The following CACNA2D3 variants were observed in gnomAD, a reference collection of about 807,000 sequenced individuals.
The protein encoded by CACNA2D3 is voltage-dependent calcium channel subunit alpha-2/delta-3.
CACNA2D3 carries 60 observed loss-of-function variants against 160.6 expected under a neutral mutation model. That is an observed-to-expected ratio of 0.37 (90% CI 0.30 to 0.46). The LOEUF (loss-of-function observed/expected upper bound fraction) is 0.46, where lower values mean the gene tolerates loss of function less well. Among genes scored for constraint, CACNA2D3 ranks in the 20% least tolerant of loss-of-function variants. The pLI is 1.00. For synonymous variants in CACNA2D3, 558 were observed against 492.9 expected (o/e 1.13, Z -1.75); for missense variants, 1,205 against 1,365.0 (o/e 0.88, Z 1.85).
At chr3:54,132,228 G>C (rs1219021454) in intron 2 of CACNA2D3, among the ~76,000 whole-genome samples, 2 of 152,142 alleles carry the variant, frequency 1.3e-5, no homozygotes, top group African/African-American at 4.8e-5. Flanking sequence ...CTTTCCTCTT[G>C]ACTTTGGCCT....
At chr3:54,411,536 T>A (rs1699668005) in intron 4 of CACNA2D3, among the ~76,000 whole-genome samples, 1 of 152,212 alleles carries the variant, frequency 6.6e-6, no homozygotes, top group South Asian at 2.1e-4. Context: ...TAGCATTTTG[T>A]ATCAGTAAAG....
chr3:54,785,629 G>T (rs72874248), intron 13 of CACNA2D3, among the ~76,000 whole-genome samples: 1 of 152,054 alleles, frequency 6.6e-6, no homozygotes, highest in Admixed American at 6.6e-5. Context: ...TAGGGAAATT[G>T]AGAAGCCAAC....
At chr3:55,059,701 G>A (rs1462353263) in intron 35 of CACNA2D3, among the ~76,000 whole-genome samples, 1 of 152,176 alleles carries the variant, frequency 6.6e-6, no homozygotes, top group African/African-American at 2.4e-5. Context: ...CAGCATCCGA[G>A]AAGAATCAGG....
intron 29 of CACNA2D3, among the ~76,000 whole-genome samples, chr3:54,971,226 A>G (rs1286141278): frequency 6.6e-6 from 1 of 152,214 alleles, no homozygotes; most frequent in East Asian, 1.9e-4. Flanking sequence ...TGTATGGTCC[A>G]CACCCTTTTC....
At chr3:54,429,431 A>C (rs1699956406) in intron 4 of CACNA2D3, among the ~76,000 whole-genome samples, 1 of 151,944 alleles carries the variant, frequency 6.6e-6, no homozygotes, top group Non-Finnish European at 1.5e-5. Flanking sequence ...TTCAAATGGC[A>C]AACCACCTGA....
intron 17 of CACNA2D3, among the ~76,000 whole-genome samples, chr3:54,866,560 T>C (rs989464686): frequency 1.3e-5 from 2 of 152,180 alleles, no homozygotes; most frequent in Non-Finnish European, 2.9e-5. Flanking sequence ...GTGGCACATA[T>C]AGATTATCAA....
At chr3:54,134,596 A>T (rs1481563160) in intron 2 of CACNA2D3, among the ~76,000 whole-genome samples, 2 of 152,228 alleles carry the variant, frequency 1.3e-5, no homozygotes, top group African/African-American at 4.8e-5. Context: ...TATGAATCCC[A>T]ACATTGGGCA....
At chr3:54,952,826 C>T (rs1701792632) in intron 27 of CACNA2D3, among the ~76,000 whole-genome samples, 1 of 152,108 alleles carries the variant, frequency 6.6e-6, no homozygotes, top group East Asian at 1.9e-4. Flanking sequence ...ATGAGGATTC[C>T]ACGTGCTCTT....
In CACNA2D3 at chr3:54,244,102, G is replaced by A. The variant is rs151196593; in HGVS notation, c.205-76340G>A. Among the ~76,000 whole-genome samples, 540 of 152,306 alleles carry A rather than the reference G, an allele frequency of 3.5e-3. 4 individuals are homozygous for A. The highest frequency in any genetic ancestry group is 9.8e-3 in the African/African-American group (409 of 41,566). On this transcript the variant is annotated intron_variant, in intron 2 of 37. Coordinates refer to ENST00000474759, the MANE Select transcript of CACNA2D3 (RefSeq NM_018398.3). The stretch of plus-strand genomic sequence containing the variant: ...TTCTCAACATAGAGCGATGTTGGGA[G>A]GAATTGGAGAAGTCCTGGTGTCCAA...
chr3:54,705,447 G>T (rs1433604006), intron 11 of CACNA2D3, among the ~76,000 whole-genome samples: 7 of 152,188 alleles, frequency 4.6e-5, no homozygotes, highest in African/African-American at 1.7e-4. Context: ...CTGGTAACAT[G>T]CCAGTGCTGC....
intron 5 of CACNA2D3, among the ~76,000 whole-genome samples, chr3:54,533,619 G>A (rs1262523078): frequency 6.6e-6 from 1 of 152,116 alleles, no homozygotes; most frequent in South Asian, 2.1e-4. Context: ...ACAGGTGTGA[G>A]CCACAGCACC....
chr3:54,429,912 G>T (rs1367528754), intron 4 of CACNA2D3, among the ~76,000 whole-genome samples: 17 of 152,172 alleles, frequency 1.1e-4, no homozygotes, highest in Non-Finnish European at 2.2e-4. Flanking sequence ...AAGAGGGTTA[G>T]ATTTCCCAGT....
At chr3:54,134,929 C>T (rs1197768561) in intron 2 of CACNA2D3, among the ~76,000 whole-genome samples, 2 of 152,240 alleles carry the variant, frequency 1.3e-5, no homozygotes, top group Non-Finnish European at 2.9e-5. Context: ...GCACGAGGAG[C>T]ACCAAGCGAG....
chr3:54,453,600 C>T (rs1055846648), intron 4 of CACNA2D3, among the ~76,000 whole-genome samples: 10 of 152,166 alleles, frequency 6.6e-5, no homozygotes, highest in Non-Finnish European at 1.5e-4. Flanking sequence ...GTGAAATATT[C>T]ATGGGTAGTT....
chr3:54,531,882 A>G (rs905738680), intron 5 of CACNA2D3, among the ~76,000 whole-genome samples: 6 of 152,218 alleles, frequency 3.9e-5, no homozygotes, highest in Non-Finnish European at 7.3e-5. Context: ...TCCTGTTCTA[A>G]ACATAAAATT....
intron 11 of CACNA2D3, among the ~76,000 whole-genome samples, chr3:54,651,756 G>T (rs1454462334): frequency 6.6e-6 from 1 of 152,102 alleles, no homozygotes; most frequent in Non-Finnish European, 1.5e-5. Flanking sequence ...GGCCTCCGGG[G>T]TGCTGAAAGG....
At chr3:54,924,951 G>A (rs765438304) in intron 27 of CACNA2D3, 4 of 1,611,550 alleles carry the variant, frequency 2.5e-6, no homozygotes, top group Middle Eastern at 3.3e-4. Context: ...GAAAGCTCCA[G>A]GGGCCAGATT....
intron 35 of CACNA2D3, among the ~76,000 whole-genome samples, chr3:55,051,548 C>T (rs1704214668): frequency 6.6e-6 from 1 of 151,844 alleles, no homozygotes; most frequent in South Asian, 2.1e-4. Context: ...GAGGTTACTG[C>T]TGTCTTTTTG....
At position 54,521,040 on chromosome 3, in the gene CACNA2D3, T is replaced by G. The variant is rs1424698687; in HGVS notation, c.544+17386T>G. ...ATGGGCACTTGGGTTGCTACTAACT[T>G]TTTGTCTATTATGAATAATGCTGCT... On this transcript the variant is annotated intron_variant, in intron 5 of 37. Transcript: ENST00000474759. 3.4e-5 allele frequency among the ~76,000 whole-genome samples: 5 copies of G among 149,050 alleles called. No individual in the cohort carries two copies. In the Admixed American group the frequency reaches 3.4e-4, roughly 10 times the overall value.
Sources: allele counts gnomAD v4.1 joint callset (sites outside exome capture counted in the v4.1 genomes callset), GRCh38; gene constraint gnomAD v4.1.1; transcripts MANE v1.5; gene names NCBI Gene and HGNC (gene_info 2026-07-23, HGNC 2026-07-21).